The following EFL1 variants were observed in gnomAD, a reference collection of about 807,000 sequenced individuals.
EFL1 encodes the protein elongation factor-like GTPase 1.
In EFL1, 76 loss-of-function variants were observed where a neutral mutation model predicts 126.7. The observed-to-expected ratio is 0.60, with a 90% CI of 0.50 to 0.73. The LOEUF (loss-of-function observed/expected upper bound fraction) is 0.73. Ranked by LOEUF, EFL1 falls within the 30% of genes least tolerant of loss-of-function variation. The pLI, the probability that EFL1 is intolerant of heterozygous loss-of-function variation, is 0.00. For missense variants in EFL1, 1,128 were observed against 1,343.2 expected, an observed-to-expected ratio of 0.84 and a Z score of 2.50; for synonymous variants, 410 against 448.4, an observed-to-expected ratio of 0.91 and a Z score of 1.08.
chr15:82,208,801 T>C (rs1434421291), intron 15 of EFL1, among the ~76,000 whole-genome samples: 2 of 151,660 alleles, frequency 1.3e-5, no homozygotes, highest in Non-Finnish European at 2.9e-5. Flanking sequence ...AAAAAAAAAA[T>C]ACTTTCCCGG....
chr15:82,170,881 G>C (rs568746846), intron 15 of EFL1, among the ~76,000 whole-genome samples: 2 of 152,242 alleles, frequency 1.3e-5, no homozygotes, highest in Non-Finnish European at 2.9e-5. Flanking sequence ...CCTTTAACAT[G>C]TGCTGCATTC....
chr15:82,169,850 T>C lies in EFL1; in HGVS notation c.1751-5866A>G, dbSNP rs186263973. Among the ~76,000 whole-genome samples the C allele has an allele frequency of 1.7e-3, 263 of 152,350 alleles. 1 individual carries two copies. Among genetic ancestry groups the C allele is most frequent in the African/African-American group, 6.2e-3 (256 of 41,588 alleles). On this transcript the variant is annotated intron_variant, in intron 15 of 19. Coordinates refer to ENST00000268206, the MANE Select transcript of EFL1 (RefSeq NM_024580.6). Reference sequence around the variant, plus strand: ...AATAGGCACTTCATAGATTCCTCAATGAATGAGTGCACATAAGCACAGTTG... The same window carrying C: ...AATAGGCACTTCATAGATTCCTCAACGAATGAGTGCACATAAGCACAGTTG...
chr15:82,134,460 C>G (rs1021239875), intron 19 of EFL1, among the ~76,000 whole-genome samples: 1 of 152,124 alleles, frequency 6.6e-6, no homozygotes, highest in African/African-American at 2.4e-5. Context: ...AAGGGGATGC[C>G]ATTTTCTAAT....
intron 2 of EFL1, 145 bp from the exon 3 acceptor site, chr15:82,259,300 T>G: frequency 1.4e-6 from 1 of 706,040 alleles, no homozygotes; most frequent in Non-Finnish European, 2.4e-6. Flanking sequence ...AGAGATTTAT[T>G]AGACTTTTGA....
chr15:82,172,838 T>C (rs2074150942), intron 15 of EFL1, among the ~76,000 whole-genome samples: 1 of 152,342 alleles, frequency 6.6e-6, no homozygotes, highest in African/African-American at 2.4e-5. Flanking sequence ...AACATTTATA[T>C]ACTAAAATGC....
In EFL1 at chr15:82,136,423, G is replaced by T. The variant is rs1227553567; in HGVS notation, c.3174+2235C>A. Among the ~76,000 whole-genome samples the T allele has an allele frequency of 2.6e-5, 4 of 152,156 alleles. No homozygotes were observed. In the East Asian group the frequency reaches 7.7e-4, roughly 29 times the overall value. ...GAAGCATGACTTGTGAATTCTGAAG[G>T]CAGTTTGCAGCAACAGTAACGCCAA... On this transcript the variant is annotated intron_variant, in intron 19 of 19. Transcript: ENST00000268206.
At chr15:82,207,871 C>T (rs535380192) in intron 15 of EFL1, among the ~76,000 whole-genome samples, 38 of 152,048 alleles carry the variant, frequency 2.5e-4, no homozygotes, top group Middle Eastern at 3.4e-3. Flanking sequence ...TACAGGCACC[C>T]GCCACACACC....
chr15:82,207,263 C>CAT (rs201630940), intron 15 of EFL1, among the ~76,000 whole-genome samples: 16 of 144,990 alleles, frequency 1.1e-4, no homozygotes, highest in African/African-American at 2.1e-4. Flanking sequence ...CTCAAGGTAA[C>CAT]ATATATATAT....
chr15:82,148,097 G>A (rs113550697), intron 18 of EFL1, among the ~76,000 whole-genome samples: 208 of 152,102 alleles, frequency 1.4e-3, no homozygotes, highest in African/African-American at 4.8e-3. Flanking sequence ...AAAAAATAAA[G>A]GCTGGGCAGG....
At chr15:82,187,805 T>C (rs976078619) in intron 15 of EFL1, among the ~76,000 whole-genome samples, 1 of 152,166 alleles carries the variant, frequency 6.6e-6, no homozygotes, top group African/African-American at 2.4e-5. Flanking sequence ...GTTAAATTTT[T>C]ATATTTTACT....
chr15:82,255,309 G>A (rs750436651), intron 3 of EFL1, among the ~76,000 whole-genome samples: 15 of 152,116 alleles, frequency 9.9e-5, no homozygotes, highest in Non-Finnish European at 1.8e-4. Flanking sequence ...CCTTTTCTGT[G>A]AATTGCCTAT....
At chr15:82,260,759 T>G (rs1446362611) in intron 2 of EFL1, among the ~76,000 whole-genome samples, 1 of 152,232 alleles carries the variant, frequency 6.6e-6, no homozygotes, top group Non-Finnish European at 1.5e-5. Flanking sequence ...GCTGGAGCAC[T>G]CAACTCTTAT....
intron 14 of EFL1, among the ~76,000 whole-genome samples, chr15:82,219,233 T>C (rs981004123): frequency 3.3e-5 from 5 of 152,342 alleles, no homozygotes; most frequent in Middle Eastern, 3.4e-3. Flanking sequence ...ACTCAGGGTC[T>C]GTGTGCCATG....
chr15:82,172,478 C>A (rs2074147016), intron 15 of EFL1, among the ~76,000 whole-genome samples: 2 of 152,156 alleles, frequency 1.3e-5, no homozygotes, highest in Non-Finnish European at 2.9e-5. Flanking sequence ...GGGGCCAGTG[C>A]TTTGCATGTG....
chr15:82,144,397 A>G (rs1394479816), intron 18 of EFL1, among the ~76,000 whole-genome samples: 1 of 152,192 alleles, frequency 6.6e-6, no homozygotes, highest in Non-Finnish European at 1.5e-5. Flanking sequence ...GTTGCTGAAT[A>G]CAAAATTATT....
chr15:82,196,145 G>A (rs2074406097), intron 15 of EFL1, among the ~76,000 whole-genome samples: 1 of 152,198 alleles, frequency 6.6e-6, no homozygotes, highest in Non-Finnish European at 1.5e-5. Flanking sequence ...AGCAGACAGT[G>A]AAGGGTCTCT....
intron 14 of EFL1, among the ~76,000 whole-genome samples, chr15:82,215,272 A>C (rs1350274032): frequency 1.3e-5 from 2 of 152,162 alleles, no homozygotes; most frequent in Non-Finnish European, 2.9e-5. Flanking sequence ...AATGTTCTTC[A>C]AGTATTCAAC....
intron 15 of EFL1, among the ~76,000 whole-genome samples, chr15:82,206,428 A>G (rs2074525763): frequency 6.6e-6 from 1 of 152,168 alleles, no homozygotes; most frequent in African/African-American, 2.4e-5. Context: ...TTAAATAACT[A>G]CAGATACAGA....
intron 15 of EFL1, among the ~76,000 whole-genome samples, chr15:82,189,318 T>C (rs1595971221): frequency 1.3e-5 from 2 of 152,158 alleles, no homozygotes; most frequent in African/African-American, 2.4e-5. Context: ...GCAAGTATCA[T>C]ATGCTAAATG....
Sources: allele counts gnomAD v4.1 joint callset (sites outside exome capture counted in the v4.1 genomes callset), GRCh38; gene constraint gnomAD v4.1.1; transcripts MANE v1.5; gene names NCBI Gene and HGNC (gene_info 2026-07-23, HGNC 2026-07-21).